The following MGAT4A variants were observed in gnomAD, a reference collection of about 807,000 sequenced individuals.
MGAT4A encodes the protein N-acetylglucosaminyltransferase IVa.
MGAT4A carries 33 observed loss-of-function variants against 74.1 expected under a neutral mutation model. That is an observed-to-expected ratio of 0.45 (90% CI 0.34 to 0.60). MGAT4A has a LOEUF of 0.60. Ranked by LOEUF, MGAT4A falls within the 20% of genes least tolerant of loss-of-function variation. The pLI is 0.02. For synonymous variants in MGAT4A, 198 were observed against 210.4 expected, an observed-to-expected ratio of 0.94 and a Z score of 0.51; for missense variants, 479 against 628.3, an observed-to-expected ratio of 0.76 and a Z score of 2.54.
chr2:98,623,032 A>G lies in MGAT4A; in HGVS notation c.*2534T>C, dbSNP rs145395754. 3.1e-3 allele frequency: 3,036 copies of G among 985,708 alleles called. 65 individuals carry two copies. In the African/African-American group the frequency reaches 0.044, roughly 14 times the overall value. 61.1% of individuals were successfully genotyped at this position (985,708 alleles called of 1,614,324 possible). On this transcript the variant is annotated 3_prime_UTR_variant, in exon 16 of 16. Coordinates refer to ENST00000393487, the MANE Select transcript of MGAT4A (RefSeq NM_012214.3). ...GACCCTGTCTCAAAAATAATACAAA[A>G]TGATAAAAAGAGAAAGAGGAGGGCA... is the stretch of plus-strand genomic sequence containing the variant.
chr2:98,625,425 T>C lies in MGAT4A; in HGVS notation c.*141A>G, dbSNP rs558325679. ...ATACAATTATTATGGGAGATTCACT[T>C]TCCAAGTGGAAATGACAATCGTCTT... On this transcript the variant is annotated 3_prime_UTR_variant, in exon 16 of 16. Coordinates refer to ENST00000393487, the MANE Select transcript of MGAT4A (RefSeq NM_012214.3). The C allele has an allele frequency of 3.1e-5, 46 of 1,477,042 alleles. No individual in the cohort carries two copies. In the African/African-American group the frequency reaches 6.2e-4, roughly 20 times the overall value. The allele number at this position is 1,477,042 out of a possible 1,614,324, so 91.5% of individuals were successfully genotyped here. A position where few individuals can be genotyped will look rare whatever the true frequency, so the allele number is the denominator to read the frequency against.
intron 2 of MGAT4A, among the ~76,000 whole-genome samples, chr2:98,690,279 T>G (rs1053065757): frequency 6.6e-6 from 1 of 152,090 alleles, no homozygotes; most frequent in African/African-American, 2.4e-5. Flanking sequence ...TTCACCACCC[T>G]CCACCAGTAA....
chr2:98,730,881 G>C (rs1455176317), intron 1 of MGAT4A, among the ~76,000 whole-genome samples, 167 bp downstream of exon 1: 1 of 143,340 alleles, frequency 7.0e-6, no homozygotes, highest in Non-Finnish European at 1.5e-5. Context: ...ACAGAGCTCC[G>C]GCCGGGCCGC....
intron 5 of MGAT4A, among the ~76,000 whole-genome samples, chr2:98,662,641 G>C (rs1023111824): frequency 6.6e-6 from 1 of 152,120 alleles, no homozygotes; most frequent in African/African-American, 2.4e-5. Context: ...AAGAAGTGTG[G>C]TATTTCTCAT....
At chr2:98,698,660 T>C (rs1437549827) in intron 2 of MGAT4A, among the ~76,000 whole-genome samples, 1 of 152,156 alleles carries the variant, frequency 6.6e-6, no homozygotes, top group Admixed American at 6.5e-5. Flanking sequence ...CTCTCCAACA[T>C]GATCTCCTCA....
chr2:98,697,133 A>G (rs1702285966), intron 2 of MGAT4A, among the ~76,000 whole-genome samples: 1 of 152,220 alleles, frequency 6.6e-6, no homozygotes, highest in South Asian at 2.1e-4. Flanking sequence ...TACACCAATT[A>G]AAAGAGAGAC....
At chr2:98,719,107 C>T (rs1039108621) in intron 2 of MGAT4A, among the ~76,000 whole-genome samples, 1 of 152,068 alleles carries the variant, frequency 6.6e-6, no homozygotes, top group Non-Finnish European at 1.5e-5. Flanking sequence ...GAAGATACGG[C>T]CTAGAGTGTG....
intron 4 of MGAT4A, among the ~76,000 whole-genome samples, chr2:98,674,424 G>C (rs965441556): frequency 1.3e-4 from 20 of 152,200 alleles, no homozygotes; most frequent in Non-Finnish European, 2.9e-4. Flanking sequence ...CCACTCTGTG[G>C]AGTGTACTTT....
intron 7 of MGAT4A, 113 bp from the exon 8 acceptor site, chr2:98,655,633 TAC>T (rs934810674): frequency 1.7e-3 from 1,111 of 653,318 alleles, no homozygotes; most frequent in Non-Finnish European, 2.0e-3. Flanking sequence ...TGTATATGTG[TAC>T]ACACACACAC....
chr2:98,627,099 C>G (rs543243463), intron 14 of MGAT4A, among the ~76,000 whole-genome samples: 2 of 152,270 alleles, frequency 1.3e-5, no homozygotes, highest in Admixed American at 1.3e-4. Flanking sequence ...ATTTCTCTTT[C>G]ATTTGTATTG....
rs941377038 is a variant in MGAT4A, at chr2:98,619,938, G to C, written c.*5628C>G. ...AATTTTGACTGCAACATTAACAGTG[G>C]GAATGTTACTTCGCGCAAAGTGCTT... On this transcript the variant is annotated 3_prime_UTR_variant, in exon 16 of 16. Coordinates refer to ENST00000393487, the MANE Select transcript of MGAT4A (RefSeq NM_012214.3). 2 of 152,072 alleles carry C rather than the reference G, an allele frequency of 1.3e-5. No homozygotes were observed. The highest frequency in any genetic ancestry group is 4.8e-5 in the African/African-American group (2 of 41,394). The allele number at this position is 152,072 out of a possible 1,614,324, so 9.4% of individuals were successfully genotyped here.
chr2:98,686,017 C>T (rs1055995952), intron 2 of MGAT4A, among the ~76,000 whole-genome samples: 51 of 152,202 alleles, frequency 3.4e-4, no homozygotes, highest in South Asian at 8.3e-4. Context: ...GGACAGGGGG[C>T]GCTCATTAAA....
intron 2 of MGAT4A, among the ~76,000 whole-genome samples, chr2:98,681,127 C>T (rs977088587): frequency 2.6e-5 from 4 of 152,088 alleles, no homozygotes; most frequent in Non-Finnish European, 5.9e-5. Flanking sequence ...GGACTACAGG[C>T]GCCCGCCACC....
intron 14 of MGAT4A, among the ~76,000 whole-genome samples, chr2:98,626,745 C>T (rs1354238333): frequency 2.6e-5 from 4 of 152,072 alleles, no homozygotes; most frequent in African/African-American, 4.8e-5. Flanking sequence ...TAATTCCTTT[C>T]GGGAGTATAA....
chr2:98,642,257 A>G (rs900936842), intron 10 of MGAT4A, among the ~76,000 whole-genome samples: 1 of 152,186 alleles, frequency 6.6e-6, no homozygotes, highest in Non-Finnish European at 1.5e-5. Flanking sequence ...CCACCGAGGC[A>G]GTGTCTGGAA....
At chr2:98,625,619 G>A (rs1382889404) in intron 15 of MGAT4A, 27 bp from the exon 16 acceptor site, 1 of 1,588,398 alleles carries the variant, frequency 6.3e-7, no homozygotes, top group South Asian at 1.1e-5. Flanking sequence ...TAAAAGGTAT[G>A]ATAAAGCTGT....
chr2:98,629,611 T>C (rs1221396797), intron 14 of MGAT4A, among the ~76,000 whole-genome samples: 1 of 152,164 alleles, frequency 6.6e-6, no homozygotes, highest in Non-Finnish European at 1.5e-5. Flanking sequence ...TCCTCTCCCA[T>C]GTATAAGAAC....
At chr2:98,681,993 T>C (rs1004216018) in intron 2 of MGAT4A, among the ~76,000 whole-genome samples, 1 of 152,128 alleles carries the variant, frequency 6.6e-6, no homozygotes, top group Non-Finnish European at 1.5e-5. Flanking sequence ...TAATGGATTA[T>C]AACCCATTGA....
intron 2 of MGAT4A, among the ~76,000 whole-genome samples, chr2:98,702,171 T>G (rs1297779754): frequency 2.0e-5 from 3 of 152,226 alleles, no homozygotes; most frequent in Non-Finnish European, 4.4e-5. Context: ...TGCCAAGAGC[T>G]GCCCTCATCT....
Sources: gnomAD v4.1 joint callset for allele counts (sites outside exome capture counted in the v4.1 genomes callset) on GRCh38, gnomAD v4.1.1 for gene constraint, MANE v1.5 for transcripts, NCBI Gene and HGNC (gene_info 2026-07-23, HGNC 2026-07-21) for gene names.